Variants in CWH43 observed in about 807,000 individuals in gnomAD.
The protein encoded by CWH43 is PGAP2-interacting protein.
In CWH43, 91 loss-of-function variants were observed where a neutral mutation model predicts 85.7. The observed-to-expected ratio is 1.06, with a 90% confidence interval of 0.90 to 1.26. The LOEUF is 1.26. Ranked by LOEUF, CWH43 falls within the 50% of genes most tolerant of loss-of-function variation. The pLI is 0.00. For missense variants in CWH43, 869 were observed against 839.2 expected (o/e 1.04, Z -0.44); for synonymous variants, 323 against 293.6 (o/e 1.10, Z -1.02).
At chr4:49,049,653 C>G (rs1443420519) in intron 14 of CWH43, among the ~76,000 whole-genome samples, 1 of 152,170 alleles carries the variant, frequency 6.6e-6, no homozygotes, top group Non-Finnish European at 1.5e-5. Context: ...AGTTGGCCCG[C>G]AAAACACCAA....
rs777078521 is a variant in CWH43, at chr4:49,003,889, C to T, written c.957C>T (p.Ala319=). 3.7e-6 allele frequency: 6 copies of T among 1,613,842 alleles called. No individual in the cohort carries two copies. The change falls in exon 7 of 16, where the codon GCC becomes GCT. Residue 319 remains alanine (A), a synonymous_variant. Transcript: ENST00000226432. ...GTNPGKTMTI[A]MIFYLLEIFF... ...ACCCTGGGAAAACCATGACCATTGC[C>T]ATGATATTTTATCTTCTAGAAATAT...
intron 2 of CWH43, among the ~76,000 whole-genome samples, chr4:48,989,366 T>TTGC (rs1228095624): frequency 1.3e-5 from 2 of 152,312 alleles, no homozygotes; most frequent in East Asian, 3.9e-4. Flanking sequence ...CACTCATACA[T>TTGC]TGCTTGTGCG....
intron 14 of CWH43, among the ~76,000 whole-genome samples, chr4:49,047,261 G>T (rs1784652096): frequency 6.6e-6 from 1 of 152,172 alleles, no homozygotes; most frequent in Admixed American, 6.5e-5. Context: ...AGTTTCTCTT[G>T]CTCTAGACTC....
chr4:49,022,588 T>C (rs1783786164), intron 9 of CWH43, among the ~76,000 whole-genome samples: 1 of 152,208 alleles, frequency 6.6e-6, no homozygotes, highest in South Asian at 2.1e-4. Flanking sequence ...GGATCCCCTC[T>C]TTCTCTATCT....
intron 9 of CWH43, among the ~76,000 whole-genome samples, chr4:49,025,576 C>A (rs1365701385): frequency 6.6e-6 from 1 of 152,192 alleles, no homozygotes; most frequent in Non-Finnish European, 1.5e-5. Flanking sequence ...CCCCTTTTCC[C>A]CAGGGATGGG....
intron 6 of CWH43, among the ~76,000 whole-genome samples, chr4:48,998,885 A>G (rs1282048254): frequency 6.6e-6 from 1 of 152,228 alleles, no homozygotes; most frequent in African/African-American, 2.4e-5. Context: ...ATTTTTAATT[A>G]AAGTATATTA....
At chr4:48,998,085 A>T (rs1171037693) in intron 5 of CWH43, among the ~76,000 whole-genome samples, 1 of 152,190 alleles carries the variant, frequency 6.6e-6, no homozygotes, top group Non-Finnish European at 1.5e-5. Context: ...AGCAGTATTG[A>T]GGTAGAGGAA....
At chr4:49,061,343 C>G (rs1323393916) in intron 15 of CWH43, among the ~76,000 whole-genome samples, 1 of 152,146 alleles carries the variant, frequency 6.6e-6, no homozygotes, top group Admixed American at 6.5e-5. Flanking sequence ...TCTTAGCTTT[C>G]TTCCTAGTGT....
At chr4:49,041,571 T>A (rs1158592756) in intron 13 of CWH43, among the ~76,000 whole-genome samples, 1 of 152,210 alleles carries the variant, frequency 6.6e-6, no homozygotes, top group Non-Finnish European at 1.5e-5. Flanking sequence ...ATAAGAATGC[T>A]TGTGGTTTTT....
rs146513186 is a variant in CWH43, at chr4:49,003,538, C to G, written c.803-197C>G. 6.9e-3 allele frequency: 3,800 copies of G among 553,670 alleles called. 19 individuals carry two copies. The highest frequency in any genetic ancestry group is 9.0e-3 in the Non-Finnish European group (2,836 of 314,682). The allele number at this position is 553,670 out of a possible 1,614,324, so 34.3% of individuals were successfully genotyped here. On this transcript the variant is annotated intron_variant, in intron 6 of 15. Coordinates refer to ENST00000226432, the MANE Select transcript of CWH43 (RefSeq NM_025087.3). ...AACTGAGATTTACTAGATCCACATTCTACCTCCAGTTGAGACAATAACTGG... is the reference window on the plus strand; with the variant it reads ...AACTGAGATTTACTAGATCCACATTGTACCTCCAGTTGAGACAATAACTGG...
At chr4:49,016,317 G>T (rs17657136) in intron 8 of CWH43, among the ~76,000 whole-genome samples, 1 of 151,948 alleles carries the variant, frequency 6.6e-6, no homozygotes. Context: ...TGAGTGGTTC[G>T]CATACAGAGC....
intron 13 of CWH43, among the ~76,000 whole-genome samples, chr4:49,038,651 G>A (rs1466760507): frequency 2.6e-5 from 4 of 152,134 alleles, no homozygotes; most frequent in African/African-American, 9.7e-5. Flanking sequence ...TCACAATTCT[G>A]ATCACATTAA....
chr4:49,009,867 A>G (rs964044826), intron 8 of CWH43, among the ~76,000 whole-genome samples: 6 of 151,936 alleles, frequency 3.9e-5, no homozygotes, highest in East Asian at 1.9e-4. Flanking sequence ...GTGCTGCTGG[A>G]TTTGGTTTGC....
intron 6 of CWH43, among the ~76,000 whole-genome samples, chr4:48,998,811 A>T (rs1782899577): frequency 6.6e-6 from 1 of 152,046 alleles, no homozygotes; most frequent in Non-Finnish European, 1.5e-5. Context: ...CCATAATACT[A>T]CCTACTCCCA....
chr4:49,033,633 T>C (rs1784174131), intron 12 of CWH43, among the ~76,000 whole-genome samples: 1 of 152,170 alleles, frequency 6.6e-6, no homozygotes, highest in South Asian at 2.1e-4. Flanking sequence ...AAGAAGTCCC[T>C]CTACACGCAA....
chr4:49,043,156 G>C (rs1784519581), intron 13 of CWH43, among the ~76,000 whole-genome samples: 1 of 152,216 alleles, frequency 6.6e-6, no homozygotes, highest in Non-Finnish European at 1.5e-5. Context: ...AAAGTGGTGA[G>C]AGTGATATCT....
intron 13 of CWH43, among the ~76,000 whole-genome samples, chr4:49,039,315 A>ATG (rs1784366383): frequency 3.0e-5 from 1 of 33,562 alleles, no homozygotes; most frequent in Non-Finnish European, 7.9e-5. Flanking sequence ...TGATATATAT[A>ATG]TATATATATA....
At chr4:49,043,909 A>G (rs1424002887) in intron 13 of CWH43, among the ~76,000 whole-genome samples, 1 of 152,086 alleles carries the variant, frequency 6.6e-6, no homozygotes, top group East Asian at 1.9e-4. Context: ...ATAAACAACA[A>G]TAAAGATTAA....
At chr4:49,002,709 A>G (rs1783028013) in intron 6 of CWH43, among the ~76,000 whole-genome samples, 1 of 152,210 alleles carries the variant, frequency 6.6e-6, no homozygotes, top group South Asian at 2.1e-4. Context: ...GGACCTTGGA[A>G]TCTAGTTCTC....
Sources: gnomAD v4.1 joint callset for allele counts (sites outside exome capture counted in the v4.1 genomes callset) on GRCh38, gnomAD v4.1.1 for gene constraint, MANE v1.5 for transcripts, NCBI Gene and HGNC (gene_info 2026-07-23, HGNC 2026-07-21) for gene names.